Variants in RAD51C observed in about 807,000 individuals in gnomAD.
RAD51C encodes RAD51 paralog C.
RAD51C carries 42 observed loss-of-function variants against 45.0 expected under a neutral mutation model. The ratio of observed to expected loss-of-function variants is 0.93; its 90% CI spans 0.73 to 1.21. The LOEUF (loss-of-function observed/expected upper bound fraction) is 1.21, where lower values mean the gene tolerates loss of function less well. RAD51C is among the 50% of genes most tolerant of loss of function. The pLI is 0.00. For missense variants in RAD51C, 474 were observed against 452.2 expected, an observed-to-expected ratio of 1.05 and a Z score of -0.44; for synonymous variants, 172 against 159.8, an observed-to-expected ratio of 1.08 and a Z score of -0.58.
In RAD51C at chr17:58,694,974, T is replaced by G. The variant is rs730881923; in HGVS notation, c.189T>G (p.Ile63Met). ...CAGAAGCCTTAGAAACTCTGCAAAT[T>G]ATCAGAAGAGAATGTCTCACAAATA... The part of the protein sequence containing the change: ...SKAEALETLQ[I>M]IRRECLTNKP... Residue 63 changes from isoleucine (I) to methionine (M), a missense_variant, in exon 2 of 9, where the codon ATT becomes ATG. Physicochemically the swap from Ile to Met is conservative, Grantham distance 10. Coordinates refer to ENST00000337432, the MANE Select transcript of RAD51C (RefSeq NM_058216.3). 6.2e-7 allele frequency: 1 copy of G among 1,614,046 alleles called. No homozygotes were observed. The highest frequency in any genetic ancestry group is 1.3e-5 in the African/African-American group (1 of 74,940).
At chr17:58,708,409 T>G (rs1173576283) in intron 4 of RAD51C, among the ~76,000 whole-genome samples, 11 of 152,156 alleles carry the variant, frequency 7.2e-5, no homozygotes, top group Non-Finnish European at 1.6e-4. Flanking sequence ...TTCTTCTCTC[T>G]TATTTACTAT....
chr17:58,712,199 T>C (rs2048578729), intron 5 of RAD51C, among the ~76,000 whole-genome samples: 1 of 150,118 alleles, frequency 6.7e-6, no homozygotes, highest in Admixed American at 6.6e-5. Context: ...ATACAAAAAA[T>C]AGTCAGGCGT....
intron 5 of RAD51C, among the ~76,000 whole-genome samples, chr17:58,717,965 A>G (rs560424684): frequency 6.6e-6 from 1 of 152,222 alleles, no homozygotes; most frequent in African/African-American, 2.4e-5. Context: ...TGCAGTGGGA[A>G]CAGCCAAACA....
intron 7 of RAD51C, among the ~76,000 whole-genome samples, chr17:58,725,884 C>T (rs1011435546): frequency 1.3e-5 from 2 of 151,456 alleles, no homozygotes; most frequent in Non-Finnish European, 2.9e-5. Flanking sequence ...CCCAGCTACT[C>T]AGGAGGCTGA....
chr17:58,715,144 C>CA (rs11365986), intron 5 of RAD51C, among the ~76,000 whole-genome samples: 110 of 144,964 alleles, frequency 7.6e-4, no homozygotes, highest in African/African-American at 2.2e-3. Context: ...AAAAAAAAAA[C>CA]AAAAAAAAAC....
At chr17:58,730,569 T>C (rs940331722) in intron 7 of RAD51C, among the ~76,000 whole-genome samples, 3 of 152,196 alleles carry the variant, frequency 2.0e-5, no homozygotes, top group Non-Finnish European at 4.4e-5. Flanking sequence ...GATTCTGCTG[T>C]ATTTTGGTCT....
intron 1 of RAD51C, chr17:58,693,394 T>G (rs998137098): frequency 6.3e-6 from 1 of 157,842 alleles, no homozygotes; most frequent in African/African-American, 2.4e-5. Flanking sequence ...CATACAAATA[T>G]GAGGCTGGCG....
intron 5 of RAD51C, among the ~76,000 whole-genome samples, chr17:58,713,489 C>T (rs1320249568): frequency 1.3e-5 from 2 of 151,996 alleles, no homozygotes; most frequent in Non-Finnish European, 2.9e-5. Flanking sequence ...CACAGGCACA[C>T]ACCACCACAC....
Position 58,723,567 on chromosome 17 carries a change from T to G in RAD51C, c.905-473T>G, listed in dbSNP as rs570534107. On this transcript the variant is annotated intron_variant, in intron 6 of 8. Coordinates refer to ENST00000337432, the MANE Select transcript of RAD51C (RefSeq NM_058216.3). ...TAGTTGCTTATTTCTAGCCTTTATA[T>G]AAATAGAATTATACTGTATATGACT... 2.0e-5 allele frequency among the ~76,000 whole-genome samples: 3 copies of G among 152,256 alleles called. No individual in the cohort carries two copies. The East Asian group carries it at 5.8e-4, about 29-fold the overall frequency.
At chr17:58,725,466 C>T (rs2049085377) in intron 7 of RAD51C, among the ~76,000 whole-genome samples, 1 of 152,030 alleles carries the variant, frequency 6.6e-6, no homozygotes, top group African/African-American at 2.4e-5. Flanking sequence ...CAGTAGTCTT[C>T]TTCAGACTAT....
In RAD51C at chr17:58,734,241, A is replaced by G. The variant is rs1190790467; in HGVS notation, c.*19A>G. The stretch of plus-strand genomic sequence containing the variant: ...ATTATAACCCAGAAACAAATCTCAA[A>G]GTGTACAAATTTATTGATGTTGTGA... On this transcript the variant is annotated 3_prime_UTR_variant, in exon 9 of 9. Transcript: ENST00000337432. 1 of 1,602,982 alleles carries G rather than the reference A, an allele frequency of 6.2e-7. No homozygotes were observed. Among genetic ancestry groups the G allele is most frequent in the Non-Finnish European group, 8.5e-7 (1 of 1,173,058 alleles).
At chr17:58,726,600 A>G (rs574178604) in intron 7 of RAD51C, among the ~76,000 whole-genome samples, 2 of 108,400 alleles carry the variant, frequency 1.8e-5, no homozygotes, top group East Asian at 2.8e-4. Flanking sequence ...GTATATATGT[A>G]TATACGTGTA....
intron 5 of RAD51C, among the ~76,000 whole-genome samples, chr17:58,714,256 A>C (rs745409412): frequency 6.6e-6 from 1 of 152,136 alleles, no homozygotes; most frequent in Non-Finnish European, 1.5e-5. Context: ...AAGTGCTGGG[A>C]TTACAGGTGT....
chr17:58,721,759 CAA>C (rs113841051), intron 6 of RAD51C, among the ~76,000 whole-genome samples: 3 of 133,010 alleles, frequency 2.3e-5, no homozygotes, highest in Non-Finnish European at 3.3e-5. Flanking sequence ...AACTCTGTCT[CAA>C]AAAAAAAAAA....
intron 5 of RAD51C, among the ~76,000 whole-genome samples, chr17:58,714,075 C>G (rs963798113): frequency 6.6e-6 from 1 of 151,946 alleles, no homozygotes; most frequent in Non-Finnish European, 1.5e-5. Context: ...GCCTCCACCT[C>G]CCAGGTTCCA....
chr17:58,701,494 C>T (rs1314163551), intron 3 of RAD51C, among the ~76,000 whole-genome samples: 2 of 150,734 alleles, frequency 1.3e-5, no homozygotes, highest in Admixed American at 6.6e-5. Context: ...GAGGACAGAG[C>T]AAGACTCCGT....
intron 5 of RAD51C, among the ~76,000 whole-genome samples, chr17:58,714,153 T>C (rs2048651896): frequency 6.6e-6 from 1 of 151,764 alleles, no homozygotes; most frequent in Admixed American, 6.6e-5. Flanking sequence ...CCTGGCTAAT[T>C]TTTGTATTTT....
intron 4 of RAD51C, among the ~76,000 whole-genome samples, chr17:58,707,491 C>T (rs1235403981): frequency 2.0e-5 from 3 of 151,242 alleles, no homozygotes; most frequent in Non-Finnish European, 4.4e-5. Flanking sequence ...CACTGCACTC[C>T]AGCCTGGGCA....
At chr17:58,695,331 TTAC>T (rs2047966769) in intron 2 of RAD51C, 142 bp downstream of exon 2, 2 of 1,407,728 alleles carry the variant, frequency 1.4e-6, no homozygotes. Context: ...AAAAATTAGC[TTAC>T]TATTTGTGTT....
Sources: allele counts gnomAD v4.1 joint callset (sites outside exome capture counted in the v4.1 genomes callset), GRCh38; gene constraint gnomAD v4.1.1; transcripts MANE v1.5; gene names NCBI Gene and HGNC (gene_info 2026-07-23, HGNC 2026-07-21).